RALB: variants seen among roughly 807,000 people sequenced by gnomAD.
RALB encodes the protein ras-related protein Ral-B.
RALB carries 16 observed loss-of-function variants against 21.3 expected under a neutral mutation model. That is an observed-to-expected ratio of 0.75 (90% CI 0.51 to 1.14). The LOEUF (loss-of-function observed/expected upper bound fraction) is 1.14. Ranked by LOEUF, RALB falls within the 50% of genes most tolerant of loss-of-function variation. RALB has a pLI of 0.00. For synonymous variants in RALB, 93 were observed against 96.1 expected (o/e 0.97, Z 0.19); for missense variants, 161 against 256.2 (o/e 0.63, Z 2.54).
chr2:120,256,063 A>G (rs1458466372), intron 1 of RALB, among the ~76,000 whole-genome samples: 2 of 146,332 alleles, frequency 1.4e-5, no homozygotes, highest in Non-Finnish European at 3.0e-5. Context: ...GCTTAAAACA[A>G]CAGACATTTA....
At chr2:120,252,064 T>G (rs1448184896), upstream of RALB, among the ~76,000 whole-genome samples, 2 of 152,114 alleles carry the variant, frequency 1.3e-5, no homozygotes. Context: ...ACGTTTAAAC[T>G]GTCAGTTGCG....
At chr2:120,252,644 G>T, upstream of RALB, 1 of 310,344 alleles carries the variant, frequency 3.2e-6, no homozygotes, top group Non-Finnish European at 4.7e-6. Context: ...CGGGGCAGGC[G>T]CGCTGGGCCC....
intron 1 of RALB, among the ~76,000 whole-genome samples, chr2:120,277,883 G>A (rs956549848): frequency 2.4e-4 from 37 of 151,868 alleles, no homozygotes; most frequent in African/African-American, 8.2e-4. Flanking sequence ...GAACATGAGT[G>A]TGAAAATGAG....
At chr2:120,252,612 CAG>C (rs886585995), upstream of RALB, 4 of 194,040 alleles carry the variant, frequency 2.1e-5, no homozygotes, top group Non-Finnish European at 2.8e-5. Flanking sequence ...GTCCGAGGGG[CAG>C]AGAGAGAAAC....
intron 2 of RALB, among the ~76,000 whole-genome samples, chr2:120,280,036 G>A (rs1315215086): frequency 5.3e-5 from 8 of 152,160 alleles, no homozygotes; most frequent in African/African-American, 1.7e-4. Context: ...GCTGACGTGC[G>A]AACATCGTGA....
chr2:120,293,939 G>A lies in RALB; in HGVS notation c.*679G>A, dbSNP rs1690366002. On this transcript the variant is annotated 3_prime_UTR_variant, in exon 5 of 5. Transcript: ENST00000272519. ...AATCTGTGTTGGTTATTTTTCTCCT[G>A]TAAGCATCCTGATTTTTCTGTAGGA... is the stretch of plus-strand genomic sequence containing the variant. 1 of 392,174 alleles carries A rather than the reference G, an allele frequency of 2.5e-6. No homozygotes were observed. Among genetic ancestry groups the A allele is most frequent in the South Asian group, 1.4e-4 (1 of 6,964 alleles). The allele number at this position is 392,174 out of a possible 1,614,324, so 24.3% of individuals were successfully genotyped here. A position where few individuals can be genotyped will look rare whatever the true frequency, so the allele number is the denominator to read the frequency against.
intron 1 of RALB, among the ~76,000 whole-genome samples, chr2:120,271,026 A>G (rs1689651628): frequency 6.6e-6 from 1 of 152,144 alleles, no homozygotes; most frequent in African/African-American, 2.4e-5. Flanking sequence ...GAATTTTAGG[A>G]GGGGGACTGA....
At chr2:120,286,408 T>C (rs1296924626) in intron 3 of RALB, among the ~76,000 whole-genome samples, 1 of 152,240 alleles carries the variant, frequency 6.6e-6, no homozygotes, top group Non-Finnish European at 1.5e-5. Context: ...GAGATTTTCA[T>C]TGATAAATTA....
At chr2:120,272,842 T>A (rs1689698993) in intron 1 of RALB, among the ~76,000 whole-genome samples, 1 of 152,202 alleles carries the variant, frequency 6.6e-6, no homozygotes, top group Non-Finnish European at 1.5e-5. Flanking sequence ...ACCACTTGCA[T>A]ACTTCTGCCA....
intron 3 of RALB, 84 bp downstream of exon 3, chr2:120,286,166 C>A: frequency 8.8e-7 from 1 of 1,133,554 alleles, no homozygotes; most frequent in Non-Finnish European, 1.3e-6. Flanking sequence ...GAATTTGGGG[C>A]TGAGCATACT....
At chr2:120,289,274 G>A (rs1001889537) in intron 3 of RALB, among the ~76,000 whole-genome samples, 1 of 148,566 alleles carries the variant, frequency 6.7e-6, no homozygotes, top group African/African-American at 2.6e-5. Context: ...ATAAGTTGGG[G>A]ACCCTGTTGT....
intron 1 of RALB, among the ~76,000 whole-genome samples, chr2:120,242,286 G>C (rs1034686811): frequency 2.6e-5 from 4 of 152,182 alleles, no homozygotes; most frequent in Non-Finnish European, 5.9e-5. Context: ...GTGTTCAATG[G>C]GTGTAGTGTT....
Position 120,289,613 on chromosome 2 carries a change from T to A in RALB, c.357T>A (p.Asp119Glu). The A allele has an allele frequency of 6.2e-7, 1 of 1,614,122 alleles. No homozygotes were observed. The highest frequency in any genetic ancestry group is 8.5e-7 in the Non-Finnish European group (1 of 1,180,010). The change falls in exon 4 of 5, where the codon GAT (aspartate) becomes GAA (glutamate). Residue 119 changes from aspartate (D) to glutamate (E), a missense_variant. Transcript: ENST00000272519. ...TTCTCCGTGTGAAGGCTGAAGAAGA[T>A]AAAATTCCACTGCTCGTCGTGGGAA... is the stretch of plus-strand genomic sequence containing the variant. ...EQILRVKAEE[D>E]KIPLLVVGNK...
intron 1 of RALB, among the ~76,000 whole-genome samples, chr2:120,275,948 G>A (rs1689782435): frequency 6.6e-6 from 1 of 152,194 alleles, no homozygotes; most frequent in African/African-American, 2.4e-5. Context: ...TTACAGATGT[G>A]CTAGTGGGGA....
intron 1 of RALB, among the ~76,000 whole-genome samples, chr2:120,259,051 C>T (rs1689274416): frequency 1.3e-5 from 2 of 151,930 alleles, no homozygotes; most frequent in Admixed American, 1.3e-4. Flanking sequence ...GTTCGTTCCT[C>T]CCGGTGGGCT....
At chr2:120,253,286 TC>T (rs996027438) in intron 1 of RALB, 5 of 670,710 alleles carry the variant, frequency 7.5e-6, no homozygotes, top group Non-Finnish European at 7.4e-6. Flanking sequence ...TGCTTCCACT[TC>T]CTGCCGCGGG....
chr2:120,287,230 C>T (rs565584012), intron 3 of RALB, among the ~76,000 whole-genome samples: 7 of 152,246 alleles, frequency 4.6e-5, no homozygotes, highest in South Asian at 4.1e-4. Flanking sequence ...AGGGAGGCCT[C>T]GGGTGAGCAC....
At chr2:120,291,981 C>A (rs1690316077) in intron 4 of RALB, among the ~76,000 whole-genome samples, 1 of 152,176 alleles carries the variant, frequency 6.6e-6, no homozygotes, top group Non-Finnish European at 1.5e-5. Context: ...TGTGCTCAGT[C>A]CCACACTTGC....
chr2:120,292,835 A>G (rs1349615078), intron 4 of RALB, among the ~76,000 whole-genome samples: 1 of 150,744 alleles, frequency 6.6e-6, no homozygotes, highest in East Asian at 1.9e-4. Context: ...CAGTACGATG[A>G]TTCTGTCCTT....
Sources: gnomAD v4.1 joint callset for allele counts (sites outside exome capture counted in the v4.1 genomes callset) on GRCh38, gnomAD v4.1.1 for gene constraint, MANE v1.5 for transcripts, NCBI Gene and HGNC (gene_info 2026-07-23, HGNC 2026-07-21) for gene names.